SUPT5H: variants seen among roughly 807,000 people sequenced by gnomAD.
The protein encoded by SUPT5H is SPT5 homolog, DSIF elongation factor subunit.
In SUPT5H, 24 loss-of-function variants were observed where a neutral mutation model predicts 142.5. The ratio of observed to expected loss-of-function variants is 0.17; its 90% CI spans 0.12 to 0.24. The LOEUF (loss-of-function observed/expected upper bound fraction) is 0.24. Among genes scored for constraint, SUPT5H ranks in the 10% least tolerant of loss-of-function variants. The pLI, the probability that SUPT5H is intolerant of heterozygous loss-of-function variation, is 1.00. For synonymous variants in SUPT5H, 546 were observed against 553.0 expected (o/e 0.99, Z 0.18); for missense variants, 893 against 1,471.8 (o/e 0.61, Z 6.43).
chr19:39,445,743 C>T, intron 1 of SUPT5H, 61 bp from the exon 2 acceptor site: 1 of 887,340 alleles, frequency 1.1e-6, no homozygotes, highest in Non-Finnish European at 1.8e-6. Flanking sequence ...GGTCCTCACT[C>T]CGCTTCGCGA....
intron 10 of SUPT5H, among the ~76,000 whole-genome samples, chr19:39,463,232 C>T (rs1021377111): frequency 6.6e-6 from 1 of 151,514 alleles, no homozygotes; most frequent in Non-Finnish European, 1.5e-5. Context: ...GAACTCCCGA[C>T]CTCAAGTGAT....
rs753393192 is a variant in SUPT5H, at chr19:39,458,991, C to G, written c.390-14C>G. On this transcript the variant is annotated splice_polypyrimidine_tract_variant and intron_variant, in intron 6 of 29. Coordinates refer to ENST00000432763, the MANE Select transcript of SUPT5H (RefSeq NM_001111020.3). This position sits in a 1 kb window ranked among gnomAD's most constrained non-coding sequence, Gnocchi z 4.2. ...AACCTTCAATTCGTGTTTGCTTCCC[C>G]ACTCGTGCTCCAGGGACCAGCGAGA... 53 of 1,614,012 alleles carry G rather than the reference C, an allele frequency of 3.3e-5. No homozygotes were observed. The highest frequency in any genetic ancestry group is 4.2e-5 in the Non-Finnish European group (50 of 1,180,032).
chr19:39,460,703 C>G (rs956472151), intron 10 of SUPT5H, among the ~76,000 whole-genome samples: 2 of 152,048 alleles, frequency 1.3e-5, no homozygotes, highest in Admixed American at 6.5e-5. Context: ...TCACTGCACT[C>G]CAGTGTGACA....
Position 39,472,346 on chromosome 19 carries a change from G to A in SUPT5H, c.1951-63G>A, listed in dbSNP as rs1284246573. 4 of 1,532,260 alleles carry A rather than the reference G, an allele frequency of 2.6e-6. No homozygotes were observed. The East Asian group carries it at 9.0e-5, about 35-fold the overall frequency. 94.9% of individuals were successfully genotyped at this position (1,532,260 alleles called of 1,614,324 possible). A position where few individuals can be genotyped will look rare whatever the true frequency, so the allele number is the denominator to read the frequency against. ...CAGGGCCCTGCACGTGGGATGATGA[G>A]TTCCTGTGGTTTGTGGTTCCCCCAT... On this transcript the variant is annotated intron_variant, in intron 20 of 29. Transcript: ENST00000432763. This position sits in a 1 kb window ranked among gnomAD's most constrained non-coding sequence, Gnocchi z 4.2.
At chr19:39,448,711 G>A (rs568342393) in intron 2 of SUPT5H, among the ~76,000 whole-genome samples, 8 of 152,118 alleles carry the variant, frequency 5.3e-5, no homozygotes, top group Admixed American at 3.9e-4. Context: ...TCTGTGGCTA[G>A]ACAGGTAGGG....
Position 39,469,014 on chromosome 19 carries a change from T to C in SUPT5H, c.1144-65T>C. On this transcript the variant is annotated intron_variant, in intron 14 of 29. Coordinates refer to ENST00000432763, the MANE Select transcript of SUPT5H (RefSeq NM_001111020.3). The surrounding 1 kb of genome is among the most constrained non-coding windows in gnomAD (Gnocchi z 5.1). ...TTCCCCTAGGACCCACTCAGCCCAC[T>C]CAGCTGGGCTGTTGCACTGACCTCG... The C allele has an allele frequency of 2.5e-6, 4 of 1,588,696 alleles. No homozygotes were observed. The highest frequency in any genetic ancestry group is 3.5e-6 in the Non-Finnish European group (4 of 1,158,894).
At chr19:39,461,501 G>A (rs553983573) in intron 10 of SUPT5H, among the ~76,000 whole-genome samples, 1 of 152,062 alleles carries the variant, frequency 6.6e-6, no homozygotes, top group South Asian at 2.1e-4. Flanking sequence ...ACATCATAGT[G>A]ACATAGTGAC....
rs1211864525 is a variant in SUPT5H at position 39,470,685 on chromosome 19, T to C, written c.1677+162T>C. Among the ~76,000 whole-genome samples, 1 of 152,158 alleles carries C rather than the reference T, an allele frequency of 6.6e-6. No homozygotes were observed. The highest frequency in any genetic ancestry group is 6.5e-5 in the Admixed American group (1 of 15,268). ...CTGATAGTGGGCACATGGCAAGTCATTGATCCCTCCCCTTGCCTGTTTTCA... is the reference window on the plus strand; with the variant it reads ...CTGATAGTGGGCACATGGCAAGTCACTGATCCCTCCCCTTGCCTGTTTTCA... On this transcript the variant is annotated intron_variant, in intron 18 of 29. Transcript: ENST00000432763. The surrounding 1 kb of genome is among the most constrained non-coding windows in gnomAD (Gnocchi z 5.8).
chr19:39,474,808 C>A lies in SUPT5H; in HGVS notation c.3024+90C>A. ...CAGACCTGTCCCCAGATGGTGACAGCCCAGAGTGGGCAGAGCTGGGATTGA... is the reference window on the plus strand; with the variant it reads ...CAGACCTGTCCCCAGATGGTGACAGACCAGAGTGGGCAGAGCTGGGATTGA... On this transcript the variant is annotated intron_variant, in intron 28 of 29. Coordinates refer to ENST00000432763, the MANE Select transcript of SUPT5H (RefSeq NM_001111020.3). The surrounding 1 kb of genome is among the most constrained non-coding windows in gnomAD (Gnocchi z 6.5). The A allele has an allele frequency of 7.1e-7, 1 of 1,399,734 alleles. No individual in the cohort carries two copies. 86.7% of individuals were successfully genotyped at this position (1,399,734 alleles called of 1,614,324 possible). A position where few individuals can be genotyped will look rare whatever the true frequency, so the allele number is the denominator to read the frequency against.
Position 39,473,484 on chromosome 19 carries a change from G to A in SUPT5H, c.2455G>A (p.Gly819Arg). 6.2e-7 allele frequency: 1 copy of A among 1,612,502 alleles called. No homozygotes were observed. Among genetic ancestry groups the A allele is most frequent in the Non-Finnish European group, 8.5e-7 (1 of 1,179,930 alleles). ...TGGCAGCCGCACTCCTGCCCAGAGT[G>A]GGGCCTGGGACCCCAACAACCCCAA... ...HDGSRTPAQS[G>R]AWDPNNPNTP... The change falls in exon 25 of 30, where the codon GGG (glycine) becomes AGG (arginine). Residue 819 changes from glycine (G) to arginine (R), a missense_variant. This residue lies in a region of SUPT5H where 336 missense variants were observed against 546.5 expected (regional missense o/e 0.61). Coordinates refer to ENST00000432763, the MANE Select transcript of SUPT5H (RefSeq NM_001111020.3). The surrounding 1 kb of genome is among the most constrained non-coding windows in gnomAD (Gnocchi z 5.8).
chr19:39,475,922 C>T (rs928087593), intron 28 of SUPT5H, 159 bp from the exon 29 acceptor site: 3 of 646,460 alleles, frequency 4.6e-6, no homozygotes, highest in African/African-American at 1.8e-5. Flanking sequence ...ACATGCACCA[C>T]AGGCCCCAGG....
rs2079047349 is a variant in SUPT5H, at chr19:39,453,529, A to G, written c.241+8A>G. On this transcript the variant is annotated splice_region_variant and intron_variant, in intron 3 of 29. Transcript: ENST00000432763. ...TCATTCTGGACGAGGCTGGTATGTC[A>G]TAGTGCTTGGCCAGTGCCGAGCAGA... 6.5e-7 allele frequency: 1 copy of G among 1,530,506 alleles called. No homozygotes were observed. Among genetic ancestry groups the G allele is most frequent in the African/African-American group, 1.4e-5 (1 of 71,968 alleles). 94.8% of individuals were successfully genotyped at this position (1,530,506 alleles called of 1,614,324 possible).
chr19:39,465,357 A>T (rs1600715487), intron 11 of SUPT5H, among the ~76,000 whole-genome samples: 1 of 152,168 alleles, frequency 6.6e-6, no homozygotes, highest in Non-Finnish European at 1.5e-5. Context: ...TACAGCAGGG[A>T]TGGCGTGAGA....
chr19:39,475,054 A>G (rs978021778), intron 28 of SUPT5H: 9 of 374,154 alleles, frequency 2.4e-5, no homozygotes, highest in Admixed American at 4.3e-5. Context: ...GGCACATTCC[A>G]GGAGCTGAAG....
intron 29 of SUPT5H, 34 bp downstream of exon 29, chr19:39,476,210 C>A: frequency 1.2e-6 from 2 of 1,614,016 alleles, no homozygotes; most frequent in Non-Finnish European, 1.7e-6. Context: ...AAGATGGGGC[C>A]GTTGGGTGCT....
At position 39,466,731 on chromosome 19, in the gene SUPT5H, T is replaced by G; in HGVS notation, c.1023T>G (p.Asp341Glu). ...KFKRPPQRLF[D>E]AEKIRSLGGD... ...AGCGGCCTCCACAGAGGCTGTTTGA[T>G]GCTGAGAAGATCAGGTGCGTGTCCT... Residue 341 changes from aspartate (D) to glutamate (E), a missense_variant, in exon 13 of 30, where the codon GAT (aspartate) becomes GAG (glutamate). Physicochemically the swap from Asp to Glu is conservative, Grantham distance 45. This residue lies in a region of SUPT5H where 428 missense variants were observed against 763.5 expected (regional missense o/e 0.56). Coordinates refer to ENST00000432763, the MANE Select transcript of SUPT5H (RefSeq NM_001111020.3). The surrounding 1 kb of genome is among the most constrained non-coding windows in gnomAD (Gnocchi z 4.3). The G allele has an allele frequency of 6.2e-7, 1 of 1,614,234 alleles. No individual in the cohort carries two copies. The highest frequency in any genetic ancestry group is 8.5e-7 in the Non-Finnish European group (1 of 1,180,038).
chr19:39,452,356 G>A (rs2079032284), intron 2 of SUPT5H, among the ~76,000 whole-genome samples: 2 of 152,192 alleles, frequency 1.3e-5, no homozygotes, highest in African/African-American at 4.8e-5. Context: ...AAAATGGACA[G>A]GGAGAGAGGG....
rs759748459 is a variant in SUPT5H at position 39,458,273 on chromosome 19, A to ACCT, written c.308-16_308-14dup. The ACCT allele has an allele frequency of 7.8e-6, 8 of 1,023,234 alleles. No homozygotes were observed. In the South Asian group the frequency reaches 9.7e-5, roughly 12 times the overall value. The allele number at this position is 1,023,234 out of a possible 1,614,324, so 63.4% of individuals were successfully genotyped here. ...CACCACCACCACCACCACCACCACC[A>ACCT]CCTCCTCTTCCTCCAAGTAGAAGAG... On this transcript the variant is annotated intron_variant, in intron 4 of 29. Transcript: ENST00000432763. The surrounding 1 kb of genome is among the most constrained non-coding windows in gnomAD (Gnocchi z 4.2).
rs759730737 is a variant in SUPT5H, at chr19:39,472,906, G to A, written c.2132G>A (p.Arg711His). ...AACGAACTCATCGGCCAGACCGTGC[G>A]CATCTCCCAGGGGCCCTACAAAGGT... ...RDNELIGQTVRISQGPYKGYI... is the reference protein window; with the variant it reads ...RDNELIGQTVHISQGPYKGYI... Residue 711 changes from arginine to histidine, a missense_variant, in exon 22 of 30, where the codon CGC (arginine) becomes CAC (histidine). Around this residue, in one of 6 missense-constraint regions of SUPT5H, gnomAD observed 336 missense variants for 546.5 expected, o/e 0.61. Transcript: ENST00000432763. The surrounding 1 kb of genome is among the most constrained non-coding windows in gnomAD (Gnocchi z 4.2). The A allele has an allele frequency of 3.7e-6, 6 of 1,613,620 alleles. No homozygotes were observed. In the Admixed American group the frequency reaches 8.3e-5, roughly 22 times the overall value.
Sources: gnomAD v4.1 joint callset for allele counts (sites outside exome capture counted in the v4.1 genomes callset) on GRCh38, gnomAD v4.1.1 for gene constraint, gnomAD v4.1.1 regional missense constraint, Gnocchi (gnomAD v3.1) non-coding constraint, MANE v1.5 for transcripts, NCBI Gene and HGNC (gene_info 2026-07-23, HGNC 2026-07-21) for gene names.